The following GRM8 variants were observed in gnomAD, a reference collection of about 807,000 sequenced individuals.
GRM8 encodes glutamate metabotropic receptor 8.
In GRM8, 47 loss-of-function variants were observed where a neutral mutation model predicts 87.2. The ratio of observed to expected loss-of-function variants is 0.54; its 90% CI spans 0.43 to 0.69. The LOEUF is 0.69. Among genes scored for constraint, GRM8 ranks in the 30% least tolerant of loss-of-function variants. GRM8 has a pLI of 0.00. For missense variants in GRM8, 1,019 were observed against 1,139.2 expected (o/e 0.89, Z 1.52); for synonymous variants, 396 against 404.5 (o/e 0.98, Z 0.25).
intron 7 of GRM8, among the ~76,000 whole-genome samples, chr7:126,688,180 C>G (rs540682724): frequency 7.3e-4 from 111 of 152,144 alleles, no homozygotes; most frequent in African/African-American, 2.6e-3. Flanking sequence ...CTCTCATATA[C>G]GTATGTTCAG....
chr7:127,215,992 G>C (rs1796501993), intron 2 of GRM8, among the ~76,000 whole-genome samples: 1 of 152,210 alleles, frequency 6.6e-6, no homozygotes, highest in Admixed American at 6.5e-5. Flanking sequence ...AAGTCACCTA[G>C]CAGAGAGAGC....
intron 3 of GRM8, among the ~76,000 whole-genome samples, chr7:127,074,677 A>C (rs1353019557): frequency 6.6e-6 from 1 of 152,178 alleles, no homozygotes; most frequent in Non-Finnish European, 1.5e-5. Flanking sequence ...AAAATATTTC[A>C]TCCAGTCTCC....
In GRM8 at chr7:127,186,414, G is replaced by A. The variant is rs17866040; in HGVS notation, c.510+56281C>T. ...CATTAAGGGATCCCTTCACTCTGGC[G>A]TCCCAGGAAGGCCAAGTGGCAGGAG... On this transcript the variant is annotated intron_variant, in intron 2 of 10. Coordinates refer to ENST00000339582, the MANE Select transcript of GRM8 (RefSeq NM_000845.3). Among the ~76,000 whole-genome samples the A allele has an allele frequency of 6.9e-4, 105 of 152,206 alleles. 1 individual carries two copies. The highest frequency in any genetic ancestry group is 2.3e-3 in the African/African-American group (96 of 41,534).
intron 8 of GRM8, among the ~76,000 whole-genome samples, chr7:126,580,358 C>T (rs1372994333): frequency 6.6e-6 from 1 of 152,120 alleles, no homozygotes; most frequent in Non-Finnish European, 1.5e-5. Context: ...TTGTGCAATC[C>T]ATTCTCTACC....
At chr7:127,063,096 AC>A (rs1340967652) in intron 3 of GRM8, among the ~76,000 whole-genome samples, 2 of 152,060 alleles carry the variant, frequency 1.3e-5, no homozygotes, top group Non-Finnish European at 2.9e-5. Context: ...ACAAAAACAT[AC>A]AAAAAATTAG....
At chr7:126,523,142 C>T (rs1324684505) in intron 9 of GRM8, among the ~76,000 whole-genome samples, 1 of 152,180 alleles carries the variant, frequency 6.6e-6, no homozygotes, top group Non-Finnish European at 1.5e-5. Flanking sequence ...AATTCAAAAT[C>T]ATTCATCCAT....
chr7:127,144,322 T>C (rs1828436394), intron 2 of GRM8, among the ~76,000 whole-genome samples: 2 of 152,104 alleles, frequency 1.3e-5, no homozygotes, highest in South Asian at 4.1e-4. Context: ...GTCTATTCCA[T>C]CATCTGTCTT....
At chr7:127,160,487 G>A (rs1793027439) in intron 2 of GRM8, among the ~76,000 whole-genome samples, 1 of 152,088 alleles carries the variant, frequency 6.6e-6, no homozygotes. Flanking sequence ...TTCCAGAGCA[G>A]AGCAGGGCGG....
chr7:126,558,684 C>T (rs940528771), intron 8 of GRM8, among the ~76,000 whole-genome samples: 1 of 152,084 alleles, frequency 6.6e-6, no homozygotes, highest in Non-Finnish European at 1.5e-5. Context: ...AAAAAAAAGT[C>T]TTTACATGTT....
chr7:126,792,460 C>G (rs1443628183), intron 6 of GRM8, among the ~76,000 whole-genome samples: 3 of 152,306 alleles, frequency 2.0e-5, no homozygotes, highest in Non-Finnish European at 2.9e-5. Context: ...AGTCTATACT[C>G]TTAACAAAGT....
chr7:126,552,082 T>C (rs939985164), intron 8 of GRM8, among the ~76,000 whole-genome samples: 2 of 152,122 alleles, frequency 1.3e-5, no homozygotes, highest in African/African-American at 4.8e-5. Flanking sequence ...AGACCATTCT[T>C]CCATTCCTAG....
intron 2 of GRM8, among the ~76,000 whole-genome samples, chr7:127,144,554 T>C (rs1049637542): frequency 6.6e-6 from 1 of 152,156 alleles, no homozygotes; most frequent in African/African-American, 2.4e-5. Context: ...AGAAAAATCA[T>C]GACCATTGTT....
chr7:127,198,448 T>C (rs925057681), intron 2 of GRM8, among the ~76,000 whole-genome samples: 4 of 152,158 alleles, frequency 2.6e-5, no homozygotes, highest in African/African-American at 9.7e-5. Context: ...ACAGTAATTG[T>C]GGTGCATCTC....
intron 3 of GRM8, among the ~76,000 whole-genome samples, chr7:126,918,575 G>A (rs1804176303): frequency 6.6e-6 from 1 of 152,162 alleles, no homozygotes; most frequent in Non-Finnish European, 1.5e-5. Flanking sequence ...TCAATAAAAT[G>A]TAATCACAAC....
In GRM8 at chr7:127,153,659, C is replaced by A. The variant is rs548437285; in HGVS notation, c.511-46947G>T. On this transcript the variant is annotated intron_variant, in intron 2 of 10. Coordinates refer to ENST00000339582, the MANE Select transcript of GRM8 (RefSeq NM_000845.3). ...CTATGAACTTTGAGAAGCATCAAAT[C>A]TCTCAATCCATTTCTGTCAATTTAC... Among the ~76,000 whole-genome samples the A allele has an allele frequency of 7.2e-5, 11 of 152,256 alleles. No homozygotes were observed. The South Asian group carries it at 2.3e-3, about 32-fold the overall frequency.
intron 3 of GRM8, among the ~76,000 whole-genome samples, chr7:127,023,261 C>A (rs1198652666): frequency 2.0e-5 from 3 of 151,948 alleles, no homozygotes; most frequent in Non-Finnish European, 4.4e-5. Flanking sequence ...ATTATTATGG[C>A]AAATCTATTT....
chr7:126,993,052 C>A (rs1812829446), intron 3 of GRM8, among the ~76,000 whole-genome samples: 1 of 152,090 alleles, frequency 6.6e-6, no homozygotes, highest in Non-Finnish European at 1.5e-5. Context: ...CTGACTAAGA[C>A]AGAGATATAC....
At chr7:127,000,147 T>C (rs1247106815) in intron 3 of GRM8, among the ~76,000 whole-genome samples, 1 of 151,606 alleles carries the variant, frequency 6.6e-6, no homozygotes, top group East Asian at 1.9e-4. Context: ...GGCACAGAAA[T>C]ATAAACTTTG....
intron 8 of GRM8, among the ~76,000 whole-genome samples, chr7:126,599,342 T>C (rs1197406813): frequency 6.6e-6 from 1 of 152,154 alleles, no homozygotes; most frequent in African/African-American, 2.4e-5. Context: ...TGACAATGGC[T>C]CCTAGCTCTA....
Sources: allele counts gnomAD v4.1 joint callset (sites outside exome capture counted in the v4.1 genomes callset), GRCh38; gene constraint gnomAD v4.1.1; transcripts MANE v1.5; gene names NCBI Gene and HGNC (gene_info 2026-07-23, HGNC 2026-07-21).